ARFGEF2: variants seen among roughly 807,000 people sequenced by gnomAD.
ARFGEF2 encodes the protein brefeldin A-inhibited guanine nucleotide-exchange protein 2.
In ARFGEF2, 74 loss-of-function variants were observed where a neutral mutation model predicts 219.9. The ratio of observed to expected loss-of-function variants is 0.34; its 90% confidence interval spans 0.28 to 0.41. ARFGEF2 has a LOEUF of 0.41. ARFGEF2 is among the 10% of genes least tolerant of loss of function. The pLI is 1.00. For synonymous variants in ARFGEF2, 733 were observed against 799.2 expected (o/e 0.92, Z 1.40); for missense variants, 1,743 against 2,218.3 (o/e 0.79, Z 4.30).
intron 36 of ARFGEF2, among the ~76,000 whole-genome samples, chr20:49,027,391 T>C (rs1160162135): frequency 2.0e-5 from 3 of 152,028 alleles, no homozygotes; most frequent in African/African-American, 7.2e-5. Flanking sequence ...CGCCAGCCAA[T>C]AAGCAAAGTC....
At chr20:48,993,304 C>T (rs2091367572) in intron 21 of ARFGEF2, among the ~76,000 whole-genome samples, 1 of 152,138 alleles carries the variant, frequency 6.6e-6, no homozygotes, top group Non-Finnish European at 1.5e-5. Context: ...ACTAATAAGC[C>T]CTTGACCTTT....
intron 5 of ARFGEF2, among the ~76,000 whole-genome samples, chr20:48,953,316 C>G (rs1213789881): frequency 1.3e-5 from 2 of 151,936 alleles, no homozygotes; most frequent in African/African-American, 4.8e-5. Flanking sequence ...GCTGGGACTA[C>G]AGGCATGTGC....
At chr20:48,964,120 T>C (rs2091172996) in intron 7 of ARFGEF2, among the ~76,000 whole-genome samples, 3 of 152,176 alleles carry the variant, frequency 2.0e-5, no homozygotes, top group Admixed American at 6.5e-5. Flanking sequence ...TTAGGAAACA[T>C]AGTCTGGGCC....
In ARFGEF2 at chr20:48,972,540, G is replaced by A. The variant is rs146871031; in HGVS notation, c.1525+115G>A. ...AGTTTTAAAGGATTGGCAATAAAAG[G>A]CTAATTCTAACCTAGTCCTGCCCCA... is the stretch of plus-strand genomic sequence containing the variant. On this transcript the variant is annotated intron_variant, in intron 11 of 38. Coordinates refer to ENST00000371917, the MANE Select transcript of ARFGEF2 (RefSeq NM_006420.3). 1.9e-3 allele frequency: 1,673 copies of A among 873,036 alleles called. 9 individuals carry two copies. Among genetic ancestry groups the A allele is most frequent in the Middle Eastern group, 0.013 (59 of 4,650 alleles). The allele number at this position is 873,036 out of a possible 1,614,324, so 54.1% of individuals were successfully genotyped here.
At chr20:48,976,303 TG>T (rs1349391260) in intron 14 of ARFGEF2, 104 bp downstream of exon 14, 40 of 1,407,726 alleles carry the variant, frequency 2.8e-5, no homozygotes, top group Non-Finnish European at 3.9e-5. Flanking sequence ...TACAAAAGGC[TG>T]GTGCTGGCAC....
At chr20:48,943,050 ACAT>A (rs1269482549) in intron 3 of ARFGEF2, among the ~76,000 whole-genome samples, 2 of 152,248 alleles carry the variant, frequency 1.3e-5, no homozygotes, top group African/African-American at 4.8e-5. Context: ...ACTGGAAAGC[ACAT>A]CAGCACACCC....
At chr20:48,972,915 T>C (rs1486837243) in intron 11 of ARFGEF2, among the ~76,000 whole-genome samples, 2 of 152,158 alleles carry the variant, frequency 1.3e-5, no homozygotes, top group East Asian at 3.8e-4. Context: ...AAATTGAGGC[T>C]TGGATGGGTG....
At chr20:48,939,174 C>T (rs2090979054) in intron 1 of ARFGEF2, among the ~76,000 whole-genome samples, 1 of 151,682 alleles carries the variant, frequency 6.6e-6, no homozygotes. Context: ...GGGGTTTCAC[C>T]ATGTTGGTCA....
intron 26 of ARFGEF2, among the ~76,000 whole-genome samples, chr20:49,006,881 T>G (rs1269031121): frequency 1.3e-5 from 2 of 150,930 alleles, no homozygotes; most frequent in Admixed American, 1.3e-4. Flanking sequence ...TTGGAGGTTT[T>G]TGTTTTTTTT....
chr20:48,988,180 T>C, intron 16 of ARFGEF2, 124 bp from the exon 17 acceptor site: 1 of 727,272 alleles, frequency 1.4e-6, no homozygotes, highest in Non-Finnish European at 2.4e-6. Flanking sequence ...GCGTAAAAAC[T>C]CTTGCCTCAT....
chr20:48,936,654 A>G (rs1961328982), intron 1 of ARFGEF2, among the ~76,000 whole-genome samples: 1 of 152,014 alleles, frequency 6.6e-6, no homozygotes, highest in South Asian at 2.1e-4. Flanking sequence ...CTTCCTGAGT[A>G]GCTGGGACTA....
chr20:48,936,195 C>T (rs868116340), intron 1 of ARFGEF2, among the ~76,000 whole-genome samples: 1,745 of 128,236 alleles, frequency 0.014, 38 homozygotes, highest in South Asian at 0.08. Context: ...CCAGTAGGGG[C>T]GGCCGGGCAG....
At chr20:48,934,119 C>CAAAAAAAAAAAAAAAAA (rs11476863) in intron 1 of ARFGEF2, among the ~76,000 whole-genome samples, 1 of 56,134 alleles carries the variant, frequency 1.8e-5, no homozygotes, top group Non-Finnish European at 3.2e-5. Context: ...GACTTCATCT[C>CAAAAAAAAAAAAAAAAA]AAAAAAAAAA....
At position 48,991,043 on chromosome 20, in the gene ARFGEF2, G is replaced by A. The variant is rs754943500; in HGVS notation, c.2818G>A (p.Glu940Lys). 6.2e-7 allele frequency: 1 copy of A among 1,613,780 alleles called. No individual in the cohort carries two copies. Among genetic ancestry groups the A allele is most frequent in the African/African-American group, 1.3e-5 (1 of 74,894 alleles). ...CTCTCTTGGGTTTCTGTTACAGCTGGAACGAGATGCCTATGTTCAGGCTCT... is the reference window on the plus strand; with the variant it reads ...CTCTCTTGGGTTTCTGTTACAGCTGAAACGAGATGCCTATGTTCAGGCTCT... ...RIACIFGMQL[E>K]RDAYVQALAR... The change falls in exon 21 of 39, where the codon GAA becomes AAA. Residue 940 changes from glutamate (E) to lysine (K), a missense_variant. By Grantham distance (56) the Glu-to-Lys change is moderately conservative. Coordinates refer to ENST00000371917, the MANE Select transcript of ARFGEF2 (RefSeq NM_006420.3).
At chr20:49,012,799 C>A (rs1468827624) in intron 28 of ARFGEF2, among the ~76,000 whole-genome samples, 1 of 152,050 alleles carries the variant, frequency 6.6e-6, no homozygotes, top group Non-Finnish European at 1.5e-5. Flanking sequence ...TCATTTAGTC[C>A]CCATGTCAGA....
chr20:48,973,077 C>A (rs1321782395), intron 11 of ARFGEF2, 68 bp from the exon 12 acceptor site: 3 of 1,589,304 alleles, frequency 1.9e-6, no homozygotes, highest in African/African-American at 2.7e-5. Flanking sequence ...TGGCAAACAT[C>A]TTGTTTGATA....
intron 14 of ARFGEF2, among the ~76,000 whole-genome samples, chr20:48,983,665 C>T (rs1244970255): frequency 1.3e-5 from 2 of 152,130 alleles, no homozygotes; most frequent in Non-Finnish European, 2.9e-5. Flanking sequence ...CTCTTTTTAC[C>T]ATGGTGCCTT....
intron 1 of ARFGEF2, 28 bp downstream of exon 1, chr20:48,922,038 G>A (rs1341248494): frequency 1.9e-6 from 3 of 1,554,618 alleles, no homozygotes; most frequent in Admixed American, 3.8e-5. Context: ...GCCCTGCCCC[G>A]CGCTGGCCTC....
chr20:48,950,810 AAATATATATATATATAT>A (rs1364513092), intron 3 of ARFGEF2, among the ~76,000 whole-genome samples: 38 of 41,108 alleles, frequency 9.2e-4, no homozygotes, highest in African/African-American at 4.0e-3. Flanking sequence ...AAAAAAAAAA[AAATATATATATATATAT>A]ATATATATAT....
Sources: gnomAD v4.1 joint callset for allele counts (sites outside exome capture counted in the v4.1 genomes callset) on GRCh38, gnomAD v4.1.1 for gene constraint, MANE v1.5 for transcripts, NCBI Gene and HGNC (gene_info 2026-07-23, HGNC 2026-07-21) for gene names.